Variants in SEMA6B observed in about 807,000 individuals in gnomAD.
SEMA6B encodes semaphorin 6B.
A neutral mutation model predicts 78.6 loss-of-function variants in SEMA6B; 47 were observed. The observed-to-expected ratio is 0.60, with a 90% CI of 0.47 to 0.76. SEMA6B has a LOEUF of 0.76. Among genes scored for constraint, SEMA6B ranks in the 30% least tolerant of loss-of-function variants. The probability of loss-of-function intolerance (pLI) is 0.00; values close to 1 mark genes in which losing one functional copy is unlikely to be tolerated. For missense variants in SEMA6B, 1,213 were observed against 1,269.9 expected (o/e 0.96, Z 0.68); for synonymous variants, 632 against 592.2 (o/e 1.07, Z -0.98).
chr19:4,551,490 G>C (rs1445179531), intron 10 of SEMA6B, among the ~76,000 whole-genome samples: 1 of 151,290 alleles, frequency 6.6e-6, no homozygotes, highest in Non-Finnish European at 1.5e-5. Flanking sequence ...AAAGTGCTGG[G>C]ATTACAGGCG....
At position 4,555,315 on chromosome 19, in the gene SEMA6B, C is replaced by T. The variant is rs1181276586; in HGVS notation, c.562+159G>A. On this transcript the variant is annotated intron_variant, in intron 7 of 16. Transcript: ENST00000586582. This position sits in a 1 kb window ranked among gnomAD's most constrained non-coding sequence, Gnocchi z 6.1. ...GCCCCAAATCCCGCTGAGCCTCAAT[C>T]CCAGCTGAGCCCCAAACCTGGGCTG... Among the ~76,000 whole-genome samples the T allele has an allele frequency of 1.3e-5, 2 of 152,138 alleles. No individual in the cohort carries two copies. The highest frequency in any genetic ancestry group is 1.3e-4 in the Admixed American group (2 of 15,270).
At chr19:4,554,348 CA>C in intron 9 of SEMA6B, 39 bp downstream of exon 9, 1 of 1,500,276 alleles carries the variant, frequency 6.7e-7, no homozygotes, top group Non-Finnish European at 9.3e-7. Context: ...TTCGCATGAT[CA>C]GAGCCTCTCA....
Position 4,558,499 on chromosome 19 carries a change from AGG to A in SEMA6B, c.-32-12_-32-11del. 8.1e-7 allele frequency: 1 copy of A among 1,234,684 alleles called. No homozygotes were observed. The highest frequency in any genetic ancestry group is 1.0e-6 in the Non-Finnish European group (1 of 987,802). 76.5% of individuals were successfully genotyped at this position (1,234,684 alleles called of 1,614,324 possible). A position where few individuals can be genotyped will look rare whatever the true frequency, so the allele number is the denominator to read the frequency against. On this transcript the variant is annotated splice_polypyrimidine_tract_variant and intron_variant, in intron 1 of 16. Coordinates refer to ENST00000586582, the MANE Select transcript of SEMA6B (RefSeq NM_032108.4). The surrounding 1 kb of genome is among the most constrained non-coding windows in gnomAD (Gnocchi z 5.1). ...CAGGAGGAGGTGACGCCTGCGGGCA[AGG>A]GGCGGCGAGGTGAGCGGCCTGCAGT...
At position 4,543,048 on chromosome 19, in the gene SEMA6B, G is replaced by A; in HGVS notation, c.*553C>T. On this transcript the variant is annotated 3_prime_UTR_variant, in exon 17 of 17. Coordinates refer to ENST00000586582, the MANE Select transcript of SEMA6B (RefSeq NM_032108.4). ...CACACCCTGCACGCGTGGCCCACTT[G>A]ACACACACGCCCACAGCAGCCTTCG... 1 of 663,838 alleles carries A rather than the reference G, an allele frequency of 1.5e-6. No individual in the cohort carries two copies. The highest frequency in any genetic ancestry group is 1.6e-5 in the South Asian group (1 of 63,228). The allele number at this position is 663,838 out of a possible 1,614,324, so 41.1% of individuals were successfully genotyped here. A position where few individuals can be genotyped will look rare whatever the true frequency, so the allele number is the denominator to read the frequency against.
intron 5 of SEMA6B, among the ~76,000 whole-genome samples, 178 bp downstream of exon 5, chr19:4,556,773 C>T (rs1381001300): frequency 7.9e-6 from 1 of 126,392 alleles, no homozygotes; most frequent in East Asian, 2.5e-4. Flanking sequence ...TGGACGTGGC[C>T]ATGGCTGTTT....
Position 4,558,232 on chromosome 19 carries a change from G to A in SEMA6B, c.122-83C>T. 7.5e-7 allele frequency: 1 copy of A among 1,341,454 alleles called. No individual in the cohort carries two copies. Among genetic ancestry groups the A allele is most frequent in the Non-Finnish European group, 9.7e-7 (1 of 1,034,302 alleles). 83.1% of individuals were successfully genotyped at this position (1,341,454 alleles called of 1,614,324 possible). A position where few individuals can be genotyped will look rare whatever the true frequency, so the allele number is the denominator to read the frequency against. On this transcript the variant is annotated intron_variant, in intron 2 of 16. Transcript: ENST00000586582. The surrounding 1 kb of genome is among the most constrained non-coding windows in gnomAD (Gnocchi z 5.1). ...CTGAGGTCATGCCCCTTCTAGGGGT[G>A]GCTCCTGGACTGCTTGAGTCCCCCA...
At position 4,558,344 on chromosome 19, in the gene SEMA6B, G is replaced by T; in HGVS notation, c.114C>A (p.Pro38=). ...PEEPPPLSVA[P]RDYLNHYPVF... ...AGACACCCCCAGACTCACAGTCCCT[G>T]GGGGCCACGCTAAGCGGCGGCGGCT... Residue 38 remains proline, a synonymous_variant, in exon 2 of 17, where the codon CCC becomes CCA. Coordinates refer to ENST00000586582, the MANE Select transcript of SEMA6B (RefSeq NM_032108.4). This position sits in a 1 kb window ranked among gnomAD's most constrained non-coding sequence, Gnocchi z 5.1. The T allele has an allele frequency of 7.6e-7, 1 of 1,313,140 alleles. No individual in the cohort carries two copies. 81.3% of individuals were successfully genotyped at this position (1,313,140 alleles called of 1,614,324 possible). A position where few individuals can be genotyped will look rare whatever the true frequency, so the allele number is the denominator to read the frequency against.
In SEMA6B at chr19:4,550,102, C is replaced by T. The variant is rs368212079; in HGVS notation, c.1271+21G>A. ...CCCCATCCTGTCTCCCCTCGCCATGCCCTGCCTCTCCAGGACCGACCTCAT... is the reference window on the plus strand; with the variant it reads ...CCCCATCCTGTCTCCCCTCGCCATGTCCTGCCTCTCCAGGACCGACCTCAT... On this transcript the variant is annotated intron_variant, in intron 12 of 16. Coordinates refer to ENST00000586582, the MANE Select transcript of SEMA6B (RefSeq NM_032108.4). This position sits in a 1 kb window ranked among gnomAD's most constrained non-coding sequence, Gnocchi z 6.6. 6.8e-5 allele frequency: 110 copies of T among 1,611,820 alleles called. 1 individual carries two copies. In the Middle Eastern group the frequency reaches 8.6e-4, roughly 13 times the overall value.
In SEMA6B at chr19:4,556,043, G is replaced by C; in HGVS notation, c.416C>G (p.Ser139Cys). ...GTTGGAACCGCACACAAAGAGCGTG[G>C]ACTCGTCCCGAAGGAGCAGCACCTT... is the stretch of plus-strand genomic sequence containing the variant. ...FVKVLLLRDE[S>C]TLFVCGSNAF... Residue 139 changes from serine to cysteine, a missense_variant, in exon 6 of 17, where the codon TCC becomes TGC. Physicochemically the swap from Ser to Cys is moderately radical, Grantham distance 112. Transcript: ENST00000586582. 1 of 1,614,158 alleles carries C rather than the reference G, an allele frequency of 6.2e-7. No homozygotes were observed. Among genetic ancestry groups the C allele is most frequent in the Non-Finnish European group, 8.5e-7 (1 of 1,180,020 alleles).
intron 14 of SEMA6B, 90 bp downstream of exon 14, chr19:4,547,937 C>CTGCCCAGCTCA (rs1246414060): frequency 1.4e-6 from 2 of 1,421,738 alleles, no homozygotes; most frequent in Non-Finnish European, 1.9e-6. Flanking sequence ...ACCAGGACAT[C>CTGCCCAGCTCA]ATTGGGCTTT....
rs1568254998 is a variant in SEMA6B, at chr19:4,550,318, T to TA, written c.1122-47dup. 24 of 1,602,882 alleles carry TA rather than the reference T, an allele frequency of 1.5e-5. No individual in the cohort carries two copies. Among genetic ancestry groups the TA allele is most frequent in the Non-Finnish European group, 2.0e-5 (23 of 1,171,660 alleles). ...GTCAGGACGAACGTAAAGGTTCTCA[T>TA]AAAGGGGCCTGATTCACCAGAGGTA... On this transcript the variant is annotated intron_variant, in intron 11 of 16. Coordinates refer to ENST00000586582, the MANE Select transcript of SEMA6B (RefSeq NM_032108.4). This position sits in a 1 kb window ranked among gnomAD's most constrained non-coding sequence, Gnocchi z 6.6.
intron 9 of SEMA6B, 59 bp downstream of exon 9, chr19:4,554,328 GC>G: frequency 2.2e-6 from 3 of 1,337,620 alleles, no homozygotes; most frequent in Non-Finnish European, 3.2e-6. Context: ...ATCCACCTCT[GC>G]CCCCTCACTT....
Position 4,555,154 on chromosome 19 carries a change from G to C in SEMA6B, c.563-59C>G, listed in dbSNP as rs953750128. 10 of 1,592,458 alleles carry C rather than the reference G, an allele frequency of 6.3e-6. No homozygotes were observed. Among genetic ancestry groups the C allele is most frequent in the Non-Finnish European group, 7.7e-6 (9 of 1,166,148 alleles). On this transcript the variant is annotated intron_variant, in intron 7 of 16. Coordinates refer to ENST00000586582, the MANE Select transcript of SEMA6B (RefSeq NM_032108.4). This position sits in a 1 kb window ranked among gnomAD's most constrained non-coding sequence, Gnocchi z 6.1. ...ATGAGACCGCAGAGGCCAGGGGCTG[G>C]GTGGGTCGAAACTCGATTTTCTGAG...
chr19:4,546,459 C>A lies in SEMA6B; in HGVS notation c.1612G>T (p.Gly538Cys). 2 of 1,564,962 alleles carry A rather than the reference C, an allele frequency of 1.3e-6. No homozygotes were observed. The highest frequency in any genetic ancestry group is 1.2e-5 in the South Asian group (1 of 85,102). The change falls in exon 15 of 17, where the codon GGC (glycine) becomes TGC (cysteine). Residue 538 changes from glycine (G) to cysteine (C), a missense_variant. Coordinates refer to ENST00000586582, the MANE Select transcript of SEMA6B (RefSeq NM_032108.4). ...QYSGCMKNCI[G>C]SQDPYCGWAP... ...CACCCGCAGTAGGGGTCCTGACTGC[C>A]GATACAGTTCCTAGAGCAGACCAGG...
In SEMA6B at chr19:4,543,974, G is replaced by GGCGCGGGGGGCT. The variant is rs1977092844; in HGVS notation, c.2282_2293dup (p.Gln761_Ala764dup). The GGCGCGGGGGGCT allele has an allele frequency of 6.6e-6, 8 of 1,203,738 alleles. No individual in the cohort carries two copies. The highest frequency in any genetic ancestry group is 8.2e-6 in the Non-Finnish European group (8 of 970,040). 74.6% of individuals were successfully genotyped at this position (1,203,738 alleles called of 1,614,324 possible). On this transcript the variant is annotated inframe_insertion, in exon 17 of 17. Coordinates refer to ENST00000586582, the MANE Select transcript of SEMA6B (RefSeq NM_032108.4). ...GCGGCCGTCGGGGGTCGGCTCCCCAGGCGCGGGGGGCTGCTCGGGGGCCCG... is the reference window on the plus strand; with the variant it reads ...GCGGCCGTCGGGGGTCGGCTCCCCAGGCGCGGGGGGCTGCGCGGGGGGCTGCTCGGGGGCCCG...
In SEMA6B at chr19:4,544,453, C is replaced by T. The variant is rs771924909; in HGVS notation, c.1815G>A (p.Ala605=). ...SVNLLVTSSV[A]AFVVGAVVSG... is the part of the protein sequence containing the mutation. ...ACACCACGGCTCCCACCACGAAGGC[C>T]GCCACCGACGACGTTACCAGCAGGT... Residue 605 remains alanine, a synonymous_variant, in exon 17 of 17, where the codon GCG becomes GCA. Transcript: ENST00000586582. This position sits in a 1 kb window ranked among gnomAD's most constrained non-coding sequence, Gnocchi z 5.1. 6.2e-6 allele frequency: 10 copies of T among 1,600,430 alleles called. No individual in the cohort carries two copies. The highest frequency in any genetic ancestry group is 4.6e-5 in the East Asian group (2 of 43,714).
Position 4,544,912 on chromosome 19 carries a change from A to G in SEMA6B, c.1739-383T>C, listed in dbSNP as rs549896828. On this transcript the variant is annotated intron_variant, in intron 16 of 16. Transcript: ENST00000586582. This position sits in a 1 kb window ranked among gnomAD's most constrained non-coding sequence, Gnocchi z 5.1. ...CTCCCAAAGTGCTGGGATTACAGGC[A>G]TAAGCCACCACGACTGGCCTTATTT... Among the ~76,000 whole-genome samples the G allele has an allele frequency of 2.2e-3, 337 of 149,926 alleles. 1 individual carries two copies. The highest frequency in any genetic ancestry group is 3.6e-3 in the Non-Finnish European group (240 of 66,660).
chr19:4,553,979 G>A (rs760633607), intron 9 of SEMA6B, among the ~76,000 whole-genome samples: 5 of 152,136 alleles, frequency 3.3e-5, no homozygotes, highest in Non-Finnish European at 5.9e-5. Context: ...GGGTGGATGA[G>A]TGAGTGGGTG....
At chr19:4,545,451 C>T (rs1977140357) in intron 16 of SEMA6B, among the ~76,000 whole-genome samples, 2 of 152,156 alleles carry the variant, frequency 1.3e-5, no homozygotes, top group African/African-American at 4.8e-5. Flanking sequence ...GATCCTCCCG[C>T]CTCAGCCTCC....
Sources: allele counts gnomAD v4.1 joint callset (sites outside exome capture counted in the v4.1 genomes callset), GRCh38; gene constraint gnomAD v4.1.1; non-coding constraint Gnocchi (gnomAD v3.1); transcripts MANE v1.5; gene names NCBI Gene and HGNC (gene_info 2026-07-23, HGNC 2026-07-21).